The following CEP104 variants were observed in gnomAD, a reference collection of about 807,000 sequenced individuals.
The protein encoded by CEP104 is centrosomal protein of 104 kDa.
In CEP104, 84 loss-of-function variants were observed where a neutral mutation model predicts 113.3. The ratio of observed to expected loss-of-function variants is 0.74; its 90% CI spans 0.62 to 0.89. The LOEUF (loss-of-function observed/expected upper bound fraction) is 0.89. CEP104 is among the 40% of genes least tolerant of loss of function. CEP104 has a pLI of 0.00. For missense variants in CEP104, 1,053 were observed against 1,156.6 expected, an observed-to-expected ratio of 0.91 and a Z score of 1.30; for synonymous variants, 378 against 421.7, an observed-to-expected ratio of 0.90 and a Z score of 1.27.
At chr1:3,851,086 A>G (rs1644602433) in intron 2 of CEP104, among the ~76,000 whole-genome samples, 1 of 152,110 alleles carries the variant, frequency 6.6e-6, no homozygotes, top group Admixed American at 6.5e-5. Flanking sequence ...CTCCAGCCAC[A>G]GGCTGGACCG....
chr1:3,838,988 C>T lies in CEP104; in HGVS notation c.867G>A (p.Leu289=). The change falls in exon 8 of 22, where the codon CTG becomes CTA. Residue 289 remains leucine (L), a synonymous_variant. Coordinates refer to ENST00000378230, the MANE Select transcript of CEP104 (RefSeq NM_014704.4). ...CCAGCTCGGCATCCAGGAGGCTGTG[C>T]AGCTCCAGCTGCTCGTACACCTCGG... is the stretch of plus-strand genomic sequence containing the variant. The part of the protein sequence containing the change: ...YRAEVYEQLE[L]HSLLDAELMR... 6.2e-7 allele frequency: 1 copy of T among 1,614,164 alleles called. No homozygotes were observed.
At position 3,837,507 on chromosome 1, in the gene CEP104, A is replaced by G; in HGVS notation, c.904T>C (p.Phe302Leu). Residue 302 changes from phenylalanine (F) to leucine (L), a missense_variant, in exon 9 of 22, where the codon TTT becomes CTT. Phe to Leu is a conservative substitution (Grantham distance 22). Transcript: ENST00000378230. Reference sequence around the variant, plus strand: ...GCGAGGGGCTGGAGGGGCAAATCAAAAGGTCTTCGCATCTAGAGAACAAAA... The same window carrying G: ...GCGAGGGGCTGGAGGGGCAAATCAAGAGGTCTTCGCATCTAGAGAACAAAA... Reference protein sequence around the residue: ...LLDAELMRRPFDLPLQPLARS... With the variant: ...LLDAELMRRPLDLPLQPLARS... 1 of 1,614,204 alleles carries G rather than the reference A, an allele frequency of 6.2e-7. No homozygotes were observed. The highest frequency in any genetic ancestry group is 1.1e-5 in the South Asian group (1 of 91,086).
At chr1:3,841,480 C>T (rs1283491474) in intron 6 of CEP104, among the ~76,000 whole-genome samples, 1 of 152,212 alleles carries the variant, frequency 6.6e-6, no homozygotes, top group Non-Finnish European at 1.5e-5. Flanking sequence ...CTTTAAGTCA[C>T]GTTGCCTTGC....
chr1:3,829,443 T>C lies in CEP104; in HGVS notation c.2044-70A>G, dbSNP rs1027300504. ...ATCTTAGAAACTGGGAGACAAATTA[T>C]GGCATATCAACTATATTTCTTATAA... On this transcript the variant is annotated intron_variant, in intron 14 of 21. Transcript: ENST00000378230. 1.7e-5 allele frequency: 17 copies of C among 1,019,600 alleles called. No homozygotes were observed. In the Admixed American group the frequency reaches 2.1e-4, roughly 13 times the overall value. 63.2% of individuals were successfully genotyped at this position (1,019,600 alleles called of 1,614,324 possible).
intron 6 of CEP104, chr1:3,843,229 C>T (rs1644444026): frequency 1.4e-6 from 1 of 713,978 alleles, no homozygotes; most frequent in Non-Finnish European, 2.6e-6. Context: ...AACCACTGTC[C>T]CAAAGAGGTG....
chr1:3,848,760 T>G lies in CEP104; in HGVS notation c.135A>C (p.Glu45Asp), dbSNP rs1434222945. Residue 45 changes from glutamate (E) to aspartate (D), a missense_variant, in exon 3 of 22, where the codon GAA becomes GAC. Glu to Asp is a conservative substitution (Grantham distance 45, BLOSUM62 2). Transcript: ENST00000378230. Reference protein sequence around the residue: ...RSPRFCQFPQEIVLQMVERCR... With the variant: ...RSPRFCQFPQDIVLQMVERCR... ...ATCTCTCCACCATTTGAAGGACAAT[T>G]TCTTGTGGAAACTGGCAAAATCTGA... The G allele has an allele frequency of 9.3e-6, 15 of 1,608,448 alleles. No individual in the cohort carries two copies. Among genetic ancestry groups the G allele is most frequent in the Non-Finnish European group, 1.3e-5 (15 of 1,178,542 alleles).
chr1:3,826,961 C>T (rs1644104172), intron 15 of CEP104, among the ~76,000 whole-genome samples: 1 of 151,932 alleles, frequency 6.6e-6, no homozygotes, highest in African/African-American at 2.4e-5. Context: ...CCAGCCTGGG[C>T]AACATGGCAA....
Position 3,855,849 on chromosome 1 carries a change from C to G in CEP104, c.-15+1040G>C, listed in dbSNP as rs1363125891. On this transcript the variant is annotated intron_variant, in intron 1 of 21. Transcript: ENST00000378230. ...GAAGAAGCAAAGCTCTGTTGAACATCCAGTTATTGGCTGGTCTTCCTCACC... is the reference window on the plus strand; with the variant it reads ...GAAGAAGCAAAGCTCTGTTGAACATGCAGTTATTGGCTGGTCTTCCTCACC... 8 of 949,418 alleles carry G rather than the reference C, an allele frequency of 8.4e-6. No individual in the cohort carries two copies. The Admixed American group carries it at 3.7e-4, about 44-fold the overall frequency. 58.8% of individuals were successfully genotyped at this position (949,418 alleles called of 1,614,324 possible).
chr1:3,839,754 G>C lies in CEP104; in HGVS notation c.589C>G (p.Leu197Val). 1 of 1,612,440 alleles carries C rather than the reference G, an allele frequency of 6.2e-7. No individual in the cohort carries two copies. Among genetic ancestry groups the C allele is most frequent in the Non-Finnish European group, 8.5e-7 (1 of 1,179,570 alleles). Residue 197 changes from leucine (L) to valine (V), a missense_variant, in exon 7 of 22, where the codon CTA (leucine) becomes GTA (valine). Transcript: ENST00000378230. ...YARKSDYISP[L>V]DDLAFDMYQD... ...TACATATCAAAAGCTAAGTCATCTAGCGGAGAGATATAGTCAGATTTCCTA... is the reference window on the plus strand; with the variant it reads ...TACATATCAAAAGCTAAGTCATCTACCGGAGAGATATAGTCAGATTTCCTA...
At chr1:3,816,428 C>T in intron 20 of CEP104, 58 bp from the exon 21 acceptor site, 1 of 1,396,874 alleles carries the variant, frequency 7.2e-7, no homozygotes, top group African/African-American at 1.4e-5. Flanking sequence ...GGCACGCTAC[C>T]TGAGACCCAA....
At chr1:3,846,201 A>C (rs1032124136) in intron 4 of CEP104, among the ~76,000 whole-genome samples, 1 of 152,214 alleles carries the variant, frequency 6.6e-6, no homozygotes, top group Non-Finnish European at 1.5e-5. Context: ...TCATCTTTGA[A>C]GGATCTTGGG....
chr1:3,837,076 G>A (rs753708925), intron 9 of CEP104: 2 of 559,076 alleles, frequency 3.6e-6, no homozygotes, highest in Non-Finnish European at 6.3e-6. Flanking sequence ...TAAGCATCAA[G>A]CCTGATTTTA....
At chr1:3,828,059 G>A (rs1644127040) in intron 15 of CEP104, among the ~76,000 whole-genome samples, 1 of 152,114 alleles carries the variant, frequency 6.6e-6, no homozygotes, top group Admixed American at 6.5e-5. Context: ...ATGAGCATAG[G>A]AGACCCCAGG....
In CEP104 at chr1:3,834,933, C is replaced by A. The variant is rs771067038; in HGVS notation, c.1477G>T (p.Val493Leu). The A allele has an allele frequency of 1.9e-6, 3 of 1,589,874 alleles. No homozygotes were observed. Among genetic ancestry groups the A allele is most frequent in the Non-Finnish European group, 2.6e-6 (3 of 1,167,214 alleles). ...FLVRRAIKDI[V>L]TSVFQASLKL... ...CAGCTGAGGGCACTCACGGAGGTCA[C>A]AATGTCCTTTATGGCTCTTCTAACG... The change falls in exon 11 of 22, where the codon GTG becomes TTG. Residue 493 changes from valine (V) to leucine (L), a missense_variant. Coordinates refer to ENST00000378230, the MANE Select transcript of CEP104 (RefSeq NM_014704.4).
At chr1:3,818,024 G>A (rs868707633) in intron 20 of CEP104, among the ~76,000 whole-genome samples, 9 of 152,234 alleles carry the variant, frequency 5.9e-5, no homozygotes, top group African/African-American at 1.9e-4. Flanking sequence ...CAGCAGAGCC[G>A]CCTGGCCGCC....
chr1:3,824,799 TGTGGGAAGGGGGCAGTGGCACG>T (rs1644051625), intron 18 of CEP104, among the ~76,000 whole-genome samples: 1 of 150,012 alleles, frequency 6.7e-6, no homozygotes, highest in Non-Finnish European at 1.5e-5. Flanking sequence ...GCAGTGCCAC[TGTGGGAAGGGGGCAGTGGCACG>T]GTGGGAAGGG....
chr1:3,855,784 C>A, intron 1 of CEP104: 1 of 494,092 alleles, frequency 2.0e-6, no homozygotes. Flanking sequence ...CTGAAGGATG[C>A]CACTTTTAGG....
rs935606049 is a variant in CEP104 at position 3,814,430 on chromosome 1, T to C, written c.*972A>G. On this transcript the variant is annotated 3_prime_UTR_variant, in exon 22 of 22. Transcript: ENST00000378230. ...TTCATCATTTTAAGCAATGTGTTGA[T>C]GTTTTAAACATCCTATCAACTCTTT... 2 of 152,276 alleles carry C rather than the reference T, an allele frequency of 1.3e-5. No homozygotes were observed. The highest frequency in any genetic ancestry group is 1.3e-4 in the Admixed American group (2 of 15,288). 9.4% of individuals were successfully genotyped at this position (152,276 alleles called of 1,614,324 possible).
At chr1:3,843,373 A>G (rs10909801) in intron 6 of CEP104, 168,859 of 461,502 alleles carry the variant, frequency 0.37, 35,576 homozygotes, top group Admixed American at 0.43. Flanking sequence ...AAAAATATGT[A>G]TAATTTTTTT....
Sources: allele counts gnomAD v4.1 joint callset (sites outside exome capture counted in the v4.1 genomes callset), GRCh38; gene constraint gnomAD v4.1.1; transcripts MANE v1.5; gene names NCBI Gene and HGNC (gene_info 2026-07-23, HGNC 2026-07-21).